Variants in GDA observed in about 807,000 individuals in gnomAD.
The protein encoded by GDA is cytoplasmic PSD-95 interactor.
Under a neutral mutation model 59.6 loss-of-function variants are expected in GDA, and 18 were observed. The ratio of observed to expected loss-of-function variants is 0.30; its 90% CI spans 0.21 to 0.45. The LOEUF (loss-of-function observed/expected upper bound fraction) is 0.45, where lower values mean the gene tolerates loss of function less well. Among genes scored for constraint, GDA ranks in the 20% least tolerant of loss-of-function variants. GDA has a pLI of 1.00. For missense variants in GDA, 427 were observed against 552.3 expected, an observed-to-expected ratio of 0.77 and a Z score of 2.27; for synonymous variants, 201 against 201.1, an observed-to-expected ratio of 1.00 and a Z score of 0.00.
At chr9:72,161,826 G>A (rs957179850) in intron 1 of GDA, among the ~76,000 whole-genome samples, 3 of 152,176 alleles carry the variant, frequency 2.0e-5, no homozygotes, top group Non-Finnish European at 4.4e-5. Context: ...CACAAAATTA[G>A]CATTCAATGC....
intron 3 of GDA, among the ~76,000 whole-genome samples, chr9:72,210,348 T>C (rs1190463636): frequency 6.6e-6 from 1 of 152,186 alleles, no homozygotes; most frequent in Non-Finnish European, 1.5e-5. Flanking sequence ...TATTCTGTAG[T>C]AGAAGAAAAA....
chr9:72,115,143 A>C (rs966049169), intron 1 of GDA, among the ~76,000 whole-genome samples: 3 of 152,152 alleles, frequency 2.0e-5, no homozygotes, highest in African/African-American at 4.8e-5. Flanking sequence ...CTGTGGAAAA[A>C]ACAAGCCATA....
intron 1 of GDA, among the ~76,000 whole-genome samples, chr9:72,184,117 A>G (rs79283825): frequency 0.01 from 1,565 of 152,296 alleles, 31 homozygotes; most frequent in African/African-American, 0.036. Context: ...TTTCCCATGT[A>G]TCCCCTGCCG....
At chr9:72,134,525 A>G (rs1185663681) in intron 1 of GDA, among the ~76,000 whole-genome samples, 1 of 151,386 alleles carries the variant, frequency 6.6e-6, no homozygotes. Flanking sequence ...CCCCAGCCAC[A>G]TGAGTAGCTG....
chr9:72,147,180 G>A (rs1021469658), upstream of GDA, among the ~76,000 whole-genome samples: 2 of 151,910 alleles, frequency 1.3e-5, no homozygotes, highest in African/African-American at 2.4e-5. Context: ...GGTTTTCATC[G>A]TAGCATAGAA....
chr9:72,204,682 C>T (rs1834454091), intron 3 of GDA, among the ~76,000 whole-genome samples: 2 of 152,282 alleles, frequency 1.3e-5, no homozygotes, highest in African/African-American at 4.8e-5. Flanking sequence ...AGATTCTATA[C>T]TATCAAGAAG....
chr9:72,146,844 C>CA (rs1425734425), upstream of GDA, among the ~76,000 whole-genome samples: 2 of 152,318 alleles, frequency 1.3e-5, no homozygotes, highest in African/African-American at 4.8e-5. Context: ...GGCAGTATAG[C>CA]ACCCAGGGCT....
At chr9:72,136,562 C>T (rs922421142) in intron 1 of GDA, among the ~76,000 whole-genome samples, 2 of 152,174 alleles carry the variant, frequency 1.3e-5, no homozygotes, top group Non-Finnish European at 2.9e-5. Context: ...GCAATCACCA[C>T]CATTTTCAAA....
At chr9:72,168,347 T>G (rs2130920274) in intron 1 of GDA, among the ~76,000 whole-genome samples, 1 of 150,830 alleles carries the variant, frequency 6.6e-6, no homozygotes, top group South Asian at 2.1e-4. Context: ...GAATTGTGAT[T>G]GCACCACTGC....
At chr9:72,234,792 G>T (rs1430974189) in intron 10 of GDA, among the ~76,000 whole-genome samples, 1 of 152,168 alleles carries the variant, frequency 6.6e-6, no homozygotes, top group Non-Finnish European at 1.5e-5. Flanking sequence ...AAGGAAAAAA[G>T]TCAATTATCA....
chr9:72,231,132 A>G lies in GDA; in HGVS notation c.939A>G (p.Leu313=). The G allele has an allele frequency of 1.3e-6, 2 of 1,592,864 alleles. No individual in the cohort carries two copies. Among genetic ancestry groups the G allele is most frequent in the Non-Finnish European group, 1.7e-6 (2 of 1,160,730 alleles). Residue 313 remains leucine (L), a synonymous_variant, in exon 10 of 14, where the codon CTA becomes CTG. Coordinates refer to ENST00000358399, the MANE Select transcript of GDA (RefSeq NM_004293.5). The part of the protein sequence containing the change: ...NSNLSLSSGF[L]NVLEVLKHEV... ...TCTACAGGCTCAGCAGTGGATTTCT[A>G]AATGTGCTAGAAGTCCTGAAACATG... is the stretch of plus-strand genomic sequence containing the variant.
chr9:72,122,391 T>C (rs1825691345), intron 1 of GDA, among the ~76,000 whole-genome samples: 2 of 152,170 alleles, frequency 1.3e-5, no homozygotes, highest in African/African-American at 2.4e-5. Flanking sequence ...ATCATTATTA[T>C]TTGATAGGGG....
rs1424577875 is a variant in GDA, at chr9:72,241,304, G to A, written c.1135+6G>A. On this transcript the variant is annotated splice_donor_region_variant and intron_variant, in intron 11 of 13. Transcript: ENST00000358399. ...TACTCTTGGAGGAAGCCAAGGTAAT[G>A]ACTCTTACATTTTTCTCTCACACAA... The A allele has an allele frequency of 1.3e-6, 2 of 1,587,142 alleles. No individual in the cohort carries two copies. Among genetic ancestry groups the A allele is most frequent in the African/African-American group, 1.3e-5 (1 of 74,428 alleles).
intron 1 of GDA, among the ~76,000 whole-genome samples, chr9:72,150,051 C>G (rs1397255614): frequency 2.0e-5 from 3 of 152,104 alleles, no homozygotes; most frequent in Non-Finnish European, 4.4e-5. Context: ...TTTCCAACAC[C>G]TAGCACTGTG....
Position 72,248,817 on chromosome 9 carries a change from G to T in GDA, c.*475G>T. 14 of 990,068 alleles carry T rather than the reference G, an allele frequency of 1.4e-5. No homozygotes were observed. Among genetic ancestry groups the T allele is most frequent in the Non-Finnish European group, 1.7e-5 (14 of 831,800 alleles). The allele number at this position is 990,068 out of a possible 1,614,324, so 61.3% of individuals were successfully genotyped here. On this transcript the variant is annotated 3_prime_UTR_variant, in exon 14 of 14. Coordinates refer to ENST00000358399, the MANE Select transcript of GDA (RefSeq NM_004293.5). Reference sequence around the variant, plus strand: ...AAACGTTAGAAAATCACTTCAGATTGTGTTTGAAAATTATATACTGAGCAT... The same window carrying T: ...AAACGTTAGAAAATCACTTCAGATTTTGTTTGAAAATTATATACTGAGCAT...
chr9:72,243,509 A>G (rs897366304), intron 11 of GDA, among the ~76,000 whole-genome samples: 7 of 152,198 alleles, frequency 4.6e-5, no homozygotes, highest in African/African-American at 1.7e-4. Flanking sequence ...GGGCAAAAAG[A>G]AGTCAAGTAA....
At chr9:72,122,500 T>C (rs531960994) in intron 1 of GDA, among the ~76,000 whole-genome samples, 1 of 114,190 alleles carries the variant, frequency 8.8e-6, no homozygotes, top group Admixed American at 9.2e-5. Context: ...ATTAATATTG[T>C]AACTCTGCAA....
intron 9 of GDA, chr9:72,229,300 G>A (rs187071620): frequency 2.2e-3 from 340 of 152,762 alleles, no homozygotes; most frequent in Admixed American, 3.6e-3. Context: ...GCAGTGAGCC[G>A]AGATCGCGCC....
At chr9:72,154,118 T>G (rs1349583884) in intron 1 of GDA, among the ~76,000 whole-genome samples, 1 of 152,154 alleles carries the variant, frequency 6.6e-6, no homozygotes, top group African/African-American at 2.4e-5. Context: ...TTGGGCCTTT[T>G]AATGCACACT....
Sources: gnomAD v4.1 joint callset for allele counts (sites outside exome capture counted in the v4.1 genomes callset) on GRCh38, gnomAD v4.1.1 for gene constraint, MANE v1.5 for transcripts, NCBI Gene and HGNC (gene_info 2026-07-23, HGNC 2026-07-21) for gene names.